Variants in TPD52L1 observed in about 807,000 individuals in gnomAD.
The protein encoded by TPD52L1 is TPD52 like 1.
A neutral mutation model predicts 28.7 loss-of-function variants in TPD52L1; 18 were observed. That is an observed-to-expected ratio of 0.63 (90% CI 0.43 to 0.93). TPD52L1 has a LOEUF of 0.93. TPD52L1 is among the 40% of genes least tolerant of loss of function. TPD52L1 has a pLI of 0.00. For missense variants in TPD52L1, 203 were observed against 254.8 expected (o/e 0.80, Z 1.39); for synonymous variants, 75 against 88.8 (o/e 0.84, Z 0.88).
At chr6:125,189,271 C>A (rs1792871972) in intron 1 of TPD52L1, among the ~76,000 whole-genome samples, 1 of 152,166 alleles carries the variant, frequency 6.6e-6, no homozygotes, top group South Asian at 2.1e-4. Flanking sequence ...CTACTTAATT[C>A]TTCATAATCA....
intron 1 of TPD52L1, among the ~76,000 whole-genome samples, chr6:125,198,159 A>G (rs557364426): frequency 1.3e-5 from 2 of 152,288 alleles, no homozygotes; most frequent in South Asian, 2.1e-4. Context: ...GTCTACCTTC[A>G]GGGACAGAGG....
At position 125,193,264 on chromosome 6, in the gene TPD52L1, G is replaced by T. The variant is rs558570804; in HGVS notation, c.20-26814G>T. ...TGTCCCTGGTGGGGTATAGCAGAAG[G>T]ACTTCGGGGCTTTTTTGTTCAAACT... On this transcript the variant is annotated intron_variant, in intron 1 of 6. Coordinates refer to ENST00000534000, the MANE Select transcript of TPD52L1 (RefSeq NM_003287.4). Among the ~76,000 whole-genome samples, 6 of 152,258 alleles carry T rather than the reference G, an allele frequency of 3.9e-5. No homozygotes were observed. In the South Asian group the frequency reaches 1.2e-3, roughly 32 times the overall value.
At chr6:125,202,117 C>T (rs1348663376) in intron 1 of TPD52L1, among the ~76,000 whole-genome samples, 1 of 152,130 alleles carries the variant, frequency 6.6e-6, no homozygotes, top group Non-Finnish European at 1.5e-5. Flanking sequence ...ATCATGGCAT[C>T]GCTGTCTAAC....
chr6:125,251,936 G>C (rs2115045720), intron 4 of TPD52L1: 1 of 1,410,824 alleles, frequency 7.1e-7, no homozygotes, highest in East Asian at 2.5e-5. Flanking sequence ...CCTTGAAAGG[G>C]GACCACCAAG....
chr6:125,230,848 C>T (rs1795907021), intron 3 of TPD52L1, among the ~76,000 whole-genome samples: 1 of 152,156 alleles, frequency 6.6e-6, no homozygotes, highest in Admixed American at 6.5e-5. Context: ...GGGAGCTTGT[C>T]AGTTTATCTC....
intron 1 of TPD52L1, among the ~76,000 whole-genome samples, chr6:125,189,022 G>A (rs568270751): frequency 6.6e-6 from 1 of 152,336 alleles, no homozygotes; most frequent in East Asian, 1.9e-4. Flanking sequence ...AACTGCTGTG[G>A]TAGATGCCTT....
intron 1 of TPD52L1, among the ~76,000 whole-genome samples, chr6:125,189,272 T>G (rs1018167575): frequency 6.6e-6 from 1 of 152,244 alleles, no homozygotes; most frequent in Admixed American, 6.5e-5. Context: ...TACTTAATTC[T>G]TCATAATCAG....
chr6:125,224,858 T>C (rs759302596), intron 2 of TPD52L1, among the ~76,000 whole-genome samples: 5 of 152,232 alleles, frequency 3.3e-5, no homozygotes, highest in Non-Finnish European at 5.9e-5. Context: ...GTTCACTTTT[T>C]TGCATTTTTC....
At chr6:125,219,003 G>GAA (rs1795057170) in intron 1 of TPD52L1, among the ~76,000 whole-genome samples, 1 of 152,224 alleles carries the variant, frequency 6.6e-6, no homozygotes, top group East Asian at 1.9e-4. Flanking sequence ...AGAAAGGACA[G>GAA]ACTCCTACCC....
intron 1 of TPD52L1, among the ~76,000 whole-genome samples, chr6:125,206,387 T>A (rs1375919439): frequency 6.6e-6 from 1 of 152,098 alleles, no homozygotes; most frequent in Non-Finnish European, 1.5e-5. Context: ...ATATAATATT[T>A]TGTATATATA....
At chr6:125,175,240 A>C (rs1347740469) in intron 1 of TPD52L1, among the ~76,000 whole-genome samples, 1 of 152,210 alleles carries the variant, frequency 6.6e-6, no homozygotes, top group African/African-American at 2.4e-5. Flanking sequence ...CATGCGGGGA[A>C]AACAATGAAT....
intron 3 of TPD52L1, among the ~76,000 whole-genome samples, chr6:125,233,251 G>A (rs542392669): frequency 1.2e-4 from 19 of 152,240 alleles, no homozygotes; most frequent in African/African-American, 3.9e-4. Flanking sequence ...TAAAGAGGAC[G>A]AAAAGCCTCA....
chr6:125,194,184 T>C (rs1793261936), intron 1 of TPD52L1, among the ~76,000 whole-genome samples: 1 of 152,166 alleles, frequency 6.6e-6, no homozygotes, highest in African/African-American at 2.4e-5. Context: ...TGTGACTTTT[T>C]CCATTTCCTT....
intron 1 of TPD52L1, among the ~76,000 whole-genome samples, chr6:125,218,196 A>G (rs896392410): frequency 1.2e-4 from 18 of 152,302 alleles, no homozygotes; most frequent in African/African-American, 4.1e-4. Flanking sequence ...ATTTTTATCT[A>G]TTTATATTCT....
chr6:125,251,653 G>C (rs2115044978), intron 4 of TPD52L1, among the ~76,000 whole-genome samples: 1 of 152,198 alleles, frequency 6.6e-6, no homozygotes, highest in Admixed American at 6.5e-5. Flanking sequence ...GTCACACTTA[G>C]GAAAGTACTC....
intron 1 of TPD52L1, among the ~76,000 whole-genome samples, chr6:125,170,924 C>T (rs1409489719): frequency 2.0e-5 from 3 of 152,112 alleles, no homozygotes; most frequent in African/African-American, 7.2e-5. Context: ...CCTTTCCAAA[C>T]AGCCCTGAGA....
intron 4 of TPD52L1, 84 bp downstream of exon 4, chr6:125,248,467 C>T: frequency 1.1e-6 from 1 of 905,436 alleles, no homozygotes; most frequent in Non-Finnish European, 1.8e-6. Flanking sequence ...CTGCTCATCT[C>T]AACATATGTA....
chr6:125,221,040 C>T (rs990634393), intron 2 of TPD52L1, among the ~76,000 whole-genome samples: 3 of 152,182 alleles, frequency 2.0e-5, no homozygotes, highest in Non-Finnish European at 4.4e-5. Context: ...GCTGAGGACA[C>T]AGCTCTGAGC....
intron 1 of TPD52L1, among the ~76,000 whole-genome samples, chr6:125,192,190 G>A (rs187115216): frequency 8.5e-5 from 13 of 152,272 alleles, no homozygotes; most frequent in Non-Finnish European, 1.3e-4. Context: ...ACATTTAACT[G>A]TAGGTTTATG....
Sources: allele counts gnomAD v4.1 joint callset (sites outside exome capture counted in the v4.1 genomes callset), GRCh38; gene constraint gnomAD v4.1.1; transcripts MANE v1.5; gene names NCBI Gene and HGNC (gene_info 2026-07-23, HGNC 2026-07-21).